Variants in FOXP2 observed in about 807,000 individuals in gnomAD.
FOXP2 encodes the protein forkhead box protein P2.
FOXP2 carries 12 observed loss-of-function variants against 115.8 expected under a neutral mutation model. The ratio of observed to expected loss-of-function variants is 0.10; its 90% CI spans 0.07 to 0.17. The LOEUF is 0.17. Ranked by LOEUF, FOXP2 falls within the 10% of genes least tolerant of loss-of-function variation. The probability of loss-of-function intolerance (pLI) is 1.00; values close to 1 mark genes in which losing one functional copy is unlikely to be tolerated. For synonymous variants in FOXP2, 328 were observed against 297.7 expected (o/e 1.10, Z -1.05); for missense variants, 629 against 843.5 (o/e 0.75, Z 3.15).
At chr7:114,087,652 C>A (rs919502985), upstream of FOXP2, 125 of 147,416 alleles carry the variant, frequency 8.5e-4, no homozygotes, top group African/African-American at 2.8e-3. Context: ...GCGGCGCGGG[C>A]GGGACCCACT....
At chr7:114,655,794 T>A (rs972160661) in intron 10 of FOXP2, among the ~76,000 whole-genome samples, 1 of 152,150 alleles carries the variant, frequency 6.6e-6, no homozygotes, top group Non-Finnish European at 1.5e-5. Flanking sequence ...TATCAGTACA[T>A]GAACACAAGG....
chr7:114,303,644 ATT>A (rs2129178725), intron 2 of FOXP2, among the ~76,000 whole-genome samples: 1 of 152,068 alleles, frequency 6.6e-6, no homozygotes, highest in South Asian at 2.1e-4. Context: ...ACCATTTTCT[ATT>A]TGTTGTCTGC....
At chr7:114,181,792 G>T (rs1170161798) in intron 1 of FOXP2, among the ~76,000 whole-genome samples, 1 of 151,998 alleles carries the variant, frequency 6.6e-6, no homozygotes, top group East Asian at 1.9e-4. Context: ...GTTTTAATGG[G>T]ATAAATGATA....
intron 1 of FOXP2, among the ~76,000 whole-genome samples, chr7:114,137,834 A>G (rs867960259): frequency 4.6e-5 from 7 of 152,138 alleles, no homozygotes; most frequent in African/African-American, 9.7e-5. Flanking sequence ...AGGTGTATAT[A>G]TAGGGGTTAG....
chr7:114,436,971 C>T (rs1449943421), intron 2 of FOXP2, among the ~76,000 whole-genome samples: 2 of 152,090 alleles, frequency 1.3e-5, no homozygotes, highest in Non-Finnish European at 2.9e-5. Flanking sequence ...TTTTCTATAT[C>T]TTTTTATGGT....
chr7:114,447,299 T>C (rs978149457), intron 2 of FOXP2, among the ~76,000 whole-genome samples: 1 of 152,084 alleles, frequency 6.6e-6, no homozygotes, highest in African/African-American at 2.4e-5. Flanking sequence ...AGCCAGATGA[T>C]CTTTATGAAA....
chr7:114,657,475 G>C (rs1478408490), intron 10 of FOXP2, among the ~76,000 whole-genome samples: 6 of 152,050 alleles, frequency 3.9e-5, no homozygotes, highest in African/African-American at 1.4e-4. Context: ...GATTTAATTT[G>C]AAAATTTTCA....
At chr7:114,295,404 T>G (rs1262757220) in intron 2 of FOXP2, among the ~76,000 whole-genome samples, 1 of 152,212 alleles carries the variant, frequency 6.6e-6, no homozygotes, top group Non-Finnish European at 1.5e-5. Flanking sequence ...GATTGTTTTG[T>G]GGTTAAAATC....
intron 1 of FOXP2, among the ~76,000 whole-genome samples, chr7:114,222,806 A>C (rs181181748): frequency 2.6e-5 from 4 of 152,322 alleles, no homozygotes; most frequent in Non-Finnish European, 4.4e-5. Flanking sequence ...ACAAGATGCA[A>C]AGGAAAAACA....
chr7:114,604,478 T>G (rs1325201025), intron 3 of FOXP2, among the ~76,000 whole-genome samples: 1 of 152,234 alleles, frequency 6.6e-6, no homozygotes, highest in Non-Finnish European at 1.5e-5. Context: ...AGGGACAGGT[T>G]TTCTACTGAA....
intron 1 of FOXP2, among the ~76,000 whole-genome samples, chr7:114,236,332 T>C (rs956791706): frequency 5.3e-5 from 8 of 152,230 alleles, no homozygotes; most frequent in Admixed American, 2.6e-4. Context: ...GTTTGTATTA[T>C]ATTTGGAAAT....
chr7:114,276,639 G>T (rs1205927610), intron 1 of FOXP2, among the ~76,000 whole-genome samples: 1 of 152,050 alleles, frequency 6.6e-6, no homozygotes, highest in Non-Finnish European at 1.5e-5. Context: ...TTCCATCAAG[G>T]CATCAATTAC....
intron 1 of FOXP2, chr7:114,419,926 G>C (rs990308824): frequency 6.6e-6 from 1 of 151,846 alleles, no homozygotes; most frequent in African/African-American, 2.4e-5. Context: ...CTATGCTGTG[G>C]GTCTTCCAAT....
chr7:114,144,134 G>A (rs927342410), intron 1 of FOXP2, among the ~76,000 whole-genome samples: 7 of 152,096 alleles, frequency 4.6e-5, no homozygotes, highest in African/African-American at 1.4e-4. Flanking sequence ...TTAAAAGTAG[G>A]CTAGGCTAAG....
intron 2 of FOXP2, among the ~76,000 whole-genome samples, chr7:114,436,234 C>T (rs1794341736): frequency 6.6e-6 from 1 of 151,796 alleles, no homozygotes; most frequent in South Asian, 2.1e-4. Flanking sequence ...ACCACCCCCT[C>T]TACTGCTATC....
At chr7:114,590,757 A>C (rs1802400346) in intron 3 of FOXP2, among the ~76,000 whole-genome samples, 1 of 152,148 alleles carries the variant, frequency 6.6e-6, no homozygotes, top group African/African-American at 2.4e-5. Context: ...ATGATTATCT[A>C]GGGAGAAGTG....
chr7:114,161,747 G>A (rs1792841174), upstream of FOXP2, among the ~76,000 whole-genome samples: 1 of 152,018 alleles, frequency 6.6e-6, no homozygotes, highest in Non-Finnish European at 1.5e-5. Flanking sequence ...AAGGCAAGGG[G>A]ATGTGATCCA....
chr7:114,275,755 T>G (rs1796171320), intron 1 of FOXP2, among the ~76,000 whole-genome samples: 1 of 152,236 alleles, frequency 6.6e-6, no homozygotes, highest in Admixed American at 6.5e-5. Flanking sequence ...GTTTTCTTGA[T>G]AGCTGGACAT....
At chr7:114,299,690 C>T (rs1226159629) in intron 2 of FOXP2, among the ~76,000 whole-genome samples, 1 of 151,870 alleles carries the variant, frequency 6.6e-6, no homozygotes, top group Non-Finnish European at 1.5e-5. Flanking sequence ...AACTAATATA[C>T]TCATTTTAAT....
Sources: gnomAD v4.1 joint callset for allele counts (sites outside exome capture counted in the v4.1 genomes callset) on GRCh38, gnomAD v4.1.1 for gene constraint, MANE v1.5 for transcripts, NCBI Gene and HGNC (gene_info 2026-07-23, HGNC 2026-07-21) for gene names.